The following ZC3H12B variants were observed in gnomAD, a reference collection of about 807,000 sequenced individuals.
ZC3H12B encodes zinc finger CCCH-type containing 12B, also known as probable ribonuclease ZC3H12B.
In ZC3H12B, 7 loss-of-function variants were observed where a neutral mutation model predicts 43.9. The ratio of observed to expected loss-of-function variants is 0.16; its 90% CI spans 0.09 to 0.30. The LOEUF (loss-of-function observed/expected upper bound fraction) is 0.30. ZC3H12B is among the 10% of genes least tolerant of loss of function. The pLI is 1.00. For missense variants in ZC3H12B, 475 were observed against 670.2 expected, an observed-to-expected ratio of 0.71 and a Z score of 3.22; for synonymous variants, 222 against 241.7, an observed-to-expected ratio of 0.92 and a Z score of 0.76.
At chrX:65,378,937 C>T (rs1228995354) in intron 2 of ZC3H12B, among the ~76,000 whole-genome samples, 3 of 112,567 alleles carry the variant, frequency 2.7e-5, no homozygotes, top group Non-Finnish European at 3.8e-5. Flanking sequence ...TTATATCCCC[C>T]ACATGGTTCA....
chrX:65,226,385 A>G, the ZC3H12B span, among the ~76,000 whole-genome samples: 1 of 111,637 alleles, frequency 9.0e-6, no homozygotes. Flanking sequence ...TAAACATGGA[A>G]AGGAACAACC....
the ZC3H12B span, among the ~76,000 whole-genome samples, chrX:65,215,653 A>G: frequency 9.0e-6 from 1 of 111,286 alleles, no homozygotes; most frequent in Non-Finnish European, 1.9e-5. Context: ...TCAATTTTTT[A>G]TCATCTGCAT....
At chrX:65,222,899 T>G in the ZC3H12B span, among the ~76,000 whole-genome samples, 2 of 110,295 alleles carry the variant, frequency 1.8e-5, no homozygotes, top group African/African-American at 6.6e-5. Flanking sequence ...AAAATCCATA[T>G]GGAACCAAAA....
chrX:65,358,775 TAG>T, the ZC3H12B span, among the ~76,000 whole-genome samples: 2 of 111,515 alleles, frequency 1.8e-5, no homozygotes, highest in African/African-American at 6.5e-5. Flanking sequence ...TTAAAAGAAC[TAG>T]AAAAGCATGA....
the ZC3H12B span, among the ~76,000 whole-genome samples, chrX:65,062,239 C>G: frequency 8.9e-6 from 1 of 112,342 alleles, no homozygotes; most frequent in African/African-American, 3.2e-5. Context: ...TTGCCCATGG[C>G]TATGACCTGA....
chrX:65,378,189 G>A (rs748740054), intron 2 of ZC3H12B, among the ~76,000 whole-genome samples: 19 of 111,247 alleles, frequency 1.7e-4, no homozygotes, highest in South Asian at 3.7e-4. Flanking sequence ...CAATAAATGT[G>A]GCTTGTAAAC....
At chrX:65,403,182 C>T (rs773383118) in intron 3 of ZC3H12B, among the ~76,000 whole-genome samples, 1 of 112,154 alleles carries the variant, frequency 8.9e-6, no homozygotes, top group African/African-American at 3.2e-5. Flanking sequence ...GTACAACTGG[C>T]ATGCTGAAGA....
At chrX:65,321,894 G>T in the ZC3H12B span, among the ~76,000 whole-genome samples, 16 of 111,053 alleles carry the variant, frequency 1.4e-4, no homozygotes, top group Non-Finnish European at 2.8e-4. Context: ...CTACTTAGGG[G>T]TGTAGGGAGG....
At chrX:65,479,252 C>T (rs1378490107) in intron 3 of ZC3H12B, among the ~76,000 whole-genome samples, 4 of 111,702 alleles carry the variant, frequency 3.6e-5, no homozygotes, top group African/African-American at 6.5e-5. Flanking sequence ...ACCATGTTTC[C>T]GGGAAGAGGA....
chrX:65,247,232 C>G, the ZC3H12B span, among the ~76,000 whole-genome samples: 1 of 112,099 alleles, frequency 8.9e-6, no homozygotes, highest in East Asian at 2.8e-4. Flanking sequence ...AAAAGTCAAA[C>G]AATCACAGAG....
Position 65,391,836 on chromosome X carries a change from C to T in ZC3H12B, n.296-6757C>T, listed in dbSNP as rs187682189. 1.1e-4 allele frequency among the ~76,000 whole-genome samples: 12 copies of T among 111,476 alleles called. No individual in the cohort carries two copies. The East Asian group carries it at 1.4e-3, about 13-fold the overall frequency. On this transcript the variant is annotated intron_variant and non_coding_transcript_variant, in intron 2 of 5. Transcript: ENST00000617377. Reference sequence around the variant, plus strand: ...CTGTTGCCAAGGCTGGACTGTAATGCCGCGATCTTGGCTCACTGCAACCTC... The same window carrying T: ...CTGTTGCCAAGGCTGGACTGTAATGTCGCGATCTTGGCTCACTGCAACCTC...
At chrX:65,068,467 T>TA in the ZC3H12B span, among the ~76,000 whole-genome samples, 4 of 111,764 alleles carry the variant, frequency 3.6e-5, no homozygotes, top group Admixed American at 1.9e-4. Context: ...ACACTCTGCA[T>TA]AAAAAAACAA....
chrX:65,160,049 A>G, the ZC3H12B span, among the ~76,000 whole-genome samples: 1 of 112,143 alleles, frequency 8.9e-6, no homozygotes, highest in Admixed American at 9.5e-5. Flanking sequence ...GGTTCGGATT[A>G]TATGTTGGAT....
the ZC3H12B span, among the ~76,000 whole-genome samples, chrX:65,336,851 T>C: frequency 1.1e-4 from 12 of 112,350 alleles, no homozygotes; most frequent in Non-Finnish European, 2.1e-4. Context: ...CCATGTCCCA[T>C]GACCCTGTAC....
the ZC3H12B span, chrX:65,185,141 C>A: frequency 3.6e-5 from 4 of 111,260 alleles, no homozygotes; most frequent in Non-Finnish European, 7.5e-5. Context: ...ATGTTTTAAA[C>A]TTCAAAGGTT....
the ZC3H12B span, among the ~76,000 whole-genome samples, chrX:65,191,767 GT>G: frequency 5.5e-5 from 6 of 109,458 alleles, no homozygotes; most frequent in African/African-American, 2.0e-4. Context: ...GGATTCATTG[GT>G]TTTTTGAAGG....
intron 2 of ZC3H12B, among the ~76,000 whole-genome samples, chrX:65,385,089 G>A (rs1394297882): frequency 2.7e-5 from 3 of 111,692 alleles, no homozygotes; most frequent in East Asian, 2.8e-4. Context: ...GCATGATGTC[G>A]CCAGCTTTGT....
the ZC3H12B span, among the ~76,000 whole-genome samples, chrX:65,225,339 C>G: frequency 1.8e-5 from 2 of 112,385 alleles, no homozygotes. Flanking sequence ...GGAAAACTAA[C>G]AAACAGAAAA....
At chrX:65,408,418 A>G (rs2066862703) in intron 3 of ZC3H12B, 1 of 1,206,386 alleles carries the variant, frequency 8.3e-7, no homozygotes, top group African/African-American at 1.7e-5. Flanking sequence ...AACGTGCCAA[A>G]CAGGTGACCA....
Sources: gnomAD v4.1 joint callset for allele counts (sites outside exome capture counted in the v4.1 genomes callset) on GRCh38, gnomAD v4.1.1 for gene constraint, MANE v1.5 for transcripts, NCBI Gene and HGNC (gene_info 2026-07-23, HGNC 2026-07-21) for gene names.